The following CLIP4 variants were observed in gnomAD, a reference collection of about 807,000 sequenced individuals.
CLIP4 encodes CAP-Gly domain containing linker protein family member 4, also known as CAP-Gly domain-containing linker protein 4.
Under a neutral mutation model 73.1 loss-of-function variants are expected in CLIP4, and 47 were observed. That is an observed-to-expected ratio of 0.64 (90% CI 0.51 to 0.82). The LOEUF (loss-of-function observed/expected upper bound fraction) is 0.82. Among genes scored for constraint, CLIP4 ranks in the 40% least tolerant of loss-of-function variants. CLIP4 has a pLI of 0.00. For synonymous variants in CLIP4, 306 were observed against 295.4 expected, an observed-to-expected ratio of 1.04 and a Z score of -0.37; for missense variants, 874 against 852.9, an observed-to-expected ratio of 1.02 and a Z score of -0.31.
intron 2 of CLIP4, among the ~76,000 whole-genome samples, chr2:29,129,189 C>T (rs1664807785): frequency 6.6e-6 from 1 of 152,110 alleles, no homozygotes; most frequent in South Asian, 2.1e-4. Context: ...CTAACATGAG[C>T]TTATTTGACT....
At chr2:29,166,344 G>A (rs1380617671) in intron 13 of CLIP4, among the ~76,000 whole-genome samples, 2 of 151,746 alleles carry the variant, frequency 1.3e-5, no homozygotes, top group Admixed American at 6.6e-5. Flanking sequence ...TTTGTAAAAT[G>A]TGCTTCCTAT....
rs1479684001 is a variant in CLIP4 at position 29,182,569 on chromosome 2, T to A, written c.*676T>A. The A allele has an allele frequency of 6.6e-6, 1 of 152,548 alleles. No homozygotes were observed. The highest frequency in any genetic ancestry group is 2.4e-5 in the African/African-American group (1 of 41,450). The allele number at this position is 152,548 out of a possible 1,614,324, so 9.4% of individuals were successfully genotyped here. A position where few individuals can be genotyped will look rare whatever the true frequency, so the allele number is the denominator to read the frequency against. On this transcript the variant is annotated 3_prime_UTR_variant, in exon 16 of 16. Transcript: ENST00000320081. The stretch of plus-strand genomic sequence containing the variant: ...ACTGGTTGGTTAACTGAGCTAAGAA[T>A]AGACTGTGGGTCTCCTCACTTGTGG...
At chr2:29,131,475 A>G in intron 3 of CLIP4, 78 bp downstream of exon 3, 2 of 1,446,386 alleles carry the variant, frequency 1.4e-6, no homozygotes. Flanking sequence ...TCTGAAAGGA[A>G]GATGGTAATA....
intron 11 of CLIP4, among the ~76,000 whole-genome samples, chr2:29,157,731 C>T (rs1024557695): frequency 1.3e-5 from 2 of 152,194 alleles, no homozygotes; most frequent in African/African-American, 2.4e-5. Flanking sequence ...GATGGCAATA[C>T]CAGCCAGTTT....
At chr2:29,144,658 G>A (rs1666021038) in intron 7 of CLIP4, among the ~76,000 whole-genome samples, 1 of 151,838 alleles carries the variant, frequency 6.6e-6, no homozygotes, top group Non-Finnish European at 1.5e-5. Flanking sequence ...TCTACATTAG[G>A]TATTTCTCCT....
intron 2 of CLIP4, among the ~76,000 whole-genome samples, chr2:29,123,166 C>G (rs528140910): frequency 2.6e-5 from 4 of 152,196 alleles, no homozygotes; most frequent in African/African-American, 4.8e-5. Flanking sequence ...AACATTTTAA[C>G]TTAGCCTGAA....
chr2:29,180,840 A>ATGTGTG (rs72495863), intron 15 of CLIP4, among the ~76,000 whole-genome samples: 42 of 150,368 alleles, frequency 2.8e-4, no homozygotes, highest in African/African-American at 9.8e-4. Context: ...ATATATATGT[A>ATGTGTG]TGTGTGTGTG....
chr2:29,155,894 T>C (rs956328806), intron 9 of CLIP4, among the ~76,000 whole-genome samples: 1 of 152,248 alleles, frequency 6.6e-6, no homozygotes, highest in Non-Finnish European at 1.5e-5. Context: ...TTCTCAGTCC[T>C]TAGCTGGGCA....
intron 11 of CLIP4, among the ~76,000 whole-genome samples, chr2:29,157,881 A>C (rs565299720): frequency 6.6e-6 from 1 of 152,236 alleles, no homozygotes; most frequent in East Asian, 1.9e-4. Context: ...CAGTTCACTT[A>C]TTTGCCTATA....
intron 2 of CLIP4, among the ~76,000 whole-genome samples, chr2:29,127,014 C>G (rs1490692104): frequency 1.3e-5 from 2 of 152,138 alleles, no homozygotes; most frequent in Non-Finnish European, 2.9e-5. Context: ...CAATTTTTCT[C>G]TCTACAGTTC....
intron 6 of CLIP4, among the ~76,000 whole-genome samples, chr2:29,140,098 C>A (rs1665654467): frequency 6.6e-6 from 1 of 151,046 alleles, no homozygotes; most frequent in Non-Finnish European, 1.5e-5. Flanking sequence ...TTTTATTATA[C>A]TTTAAGTTTT....
chr2:29,174,463 T>G lies in CLIP4; in HGVS notation c.1796+18T>G. 1 of 1,604,540 alleles carries G rather than the reference T, an allele frequency of 6.2e-7. No homozygotes were observed. The highest frequency in any genetic ancestry group is 1.1e-5 in the South Asian group (1 of 88,618). Reference sequence around the variant, plus strand: ...TTTTCCAAGTGAGTATTAAGAAGATTTAGAAAAACACCTTTCAAGATGAAC... The same window carrying G: ...TTTTCCAAGTGAGTATTAAGAAGATGTAGAAAAACACCTTTCAAGATGAAC... On this transcript the variant is annotated intron_variant, in intron 15 of 15. Transcript: ENST00000320081.
chr2:29,183,375 C>G lies in CLIP4; in HGVS notation c.*1482C>G, dbSNP rs1323855330. On this transcript the variant is annotated 3_prime_UTR_variant, in exon 16 of 16. Transcript: ENST00000320081. Reference sequence around the variant, plus strand: ...TGTGGTATTTCAAATATTGCTAGAGCTATTTTCCTGAAATACATTTGCAAA... The same window carrying G: ...TGTGGTATTTCAAATATTGCTAGAGGTATTTTCCTGAAATACATTTGCAAA... 2 of 152,578 alleles carry G rather than the reference C, an allele frequency of 1.3e-5. No individual in the cohort carries two copies. The highest frequency in any genetic ancestry group is 2.9e-5 in the Non-Finnish European group (2 of 68,022). The allele number at this position is 152,578 out of a possible 1,614,324, so 9.5% of individuals were successfully genotyped here. A position where few individuals can be genotyped will look rare whatever the true frequency, so the allele number is the denominator to read the frequency against.
At chr2:29,166,774 GCC>G (rs1192955250) in intron 13 of CLIP4, among the ~76,000 whole-genome samples, 5 of 152,094 alleles carry the variant, frequency 3.3e-5, no homozygotes, top group African/African-American at 1.2e-4. Context: ...TAAAAATGAT[GCC>G]TATGAATTGT....
At chr2:29,111,699 A>C (rs1184960456), upstream of CLIP4, among the ~76,000 whole-genome samples, 1 of 152,204 alleles carries the variant, frequency 6.6e-6, no homozygotes, top group African/African-American at 2.4e-5. Flanking sequence ...GTTGCTTTTG[A>C]ACATAGCACA....
At chr2:29,135,792 T>C (rs1262701866) in intron 6 of CLIP4, 126 bp downstream of exon 6, 1 of 620,736 alleles carries the variant, frequency 1.6e-6, no homozygotes, top group Non-Finnish European at 2.7e-6. Flanking sequence ...TATATCTTTG[T>C]GCCACATGTA....
At chr2:29,103,956 C>T (rs1002665045) in intron 1 of CLIP4, among the ~76,000 whole-genome samples, 3 of 151,846 alleles carry the variant, frequency 2.0e-5, no homozygotes, top group Non-Finnish European at 2.9e-5. Flanking sequence ...ATCCACCTGC[C>T]TCGGCCTCCC....
At chr2:29,143,653 G>T in intron 6 of CLIP4, 56 bp from the exon 7 acceptor site, 2 of 1,153,936 alleles carry the variant, frequency 1.7e-6, no homozygotes, top group South Asian at 2.7e-5. Context: ...AATTTTATAT[G>T]ACTTTCTAGT....
At chr2:29,149,387 C>G (rs547311035) in intron 8 of CLIP4, among the ~76,000 whole-genome samples, 1 of 149,166 alleles carries the variant, frequency 6.7e-6, no homozygotes, top group Non-Finnish European at 1.5e-5. Context: ...TTCTTGGAAG[C>G]GTTTAGTATT....
Sources: gnomAD v4.1 joint callset for allele counts (sites outside exome capture counted in the v4.1 genomes callset) on GRCh38, gnomAD v4.1.1 for gene constraint, MANE v1.5 for transcripts, NCBI Gene and HGNC (gene_info 2026-07-23, HGNC 2026-07-21) for gene names.